LRP1B: variants seen among roughly 807,000 people sequenced by gnomAD.
LRP1B encodes the protein low-density lipoprotein receptor-related protein 1B.
A neutral mutation model predicts 556.6 loss-of-function variants in LRP1B; 217 were observed. The ratio of observed to expected loss-of-function variants is 0.39; its 90% CI spans 0.35 to 0.44. LRP1B has a LOEUF of 0.44. LRP1B is among the 20% of genes least tolerant of loss of function. The probability of loss-of-function intolerance (pLI) is 1.00; values close to 1 mark genes in which losing one functional copy is unlikely to be tolerated. For synonymous variants in LRP1B, 2,047 were observed against 1,865.8 expected, an observed-to-expected ratio of 1.10 and a Z score of -2.50; for missense variants, 5,053 against 5,620.8, an observed-to-expected ratio of 0.90 and a Z score of 3.23.
At chr2:141,376,098 G>GT (rs1178050480) in intron 3 of LRP1B, among the ~76,000 whole-genome samples, 1 of 152,150 alleles carries the variant, frequency 6.6e-6, no homozygotes, top group Non-Finnish European at 1.5e-5. Flanking sequence ...CCTTGGAGCA[G>GT]TGTAGCAGCA....
chr2:141,968,443 A>C (rs1344598807), intron 1 of LRP1B, among the ~76,000 whole-genome samples: 2 of 151,520 alleles, frequency 1.3e-5, no homozygotes, highest in African/African-American at 4.8e-5. Context: ...TTTTGCTTGC[A>C]ATCCCCAACC....
intron 43 of LRP1B, among the ~76,000 whole-genome samples, chr2:140,557,588 G>A (rs1023380000): frequency 2.6e-5 from 4 of 151,958 alleles, no homozygotes; most frequent in Admixed American, 6.6e-5. Context: ...ATTATCTACT[G>A]TGCTCCCCTA....
chr2:140,289,514 C>T (rs1394276318), intron 84 of LRP1B, among the ~76,000 whole-genome samples: 4 of 151,770 alleles, frequency 2.6e-5, no homozygotes, highest in Non-Finnish European at 2.9e-5. Flanking sequence ...GAATTAATAT[C>T]TGCTTGGAAA....
At chr2:140,420,482 G>T (rs971809140) in intron 66 of LRP1B, among the ~76,000 whole-genome samples, 1 of 152,122 alleles carries the variant, frequency 6.6e-6, no homozygotes, top group Admixed American at 6.6e-5. Flanking sequence ...TTCTTTAAGG[G>T]TTAAAAATAT....
intron 37 of LRP1B, among the ~76,000 whole-genome samples, chr2:140,704,936 T>G (rs1250901227): frequency 6.6e-6 from 1 of 152,168 alleles, no homozygotes; most frequent in African/African-American, 2.4e-5. Flanking sequence ...TTTATTGCTA[T>G]TAAAAGTAAT....
At chr2:141,877,809 C>T (rs1698819926) in intron 1 of LRP1B, among the ~76,000 whole-genome samples, 1 of 151,860 alleles carries the variant, frequency 6.6e-6, no homozygotes, top group Admixed American at 6.6e-5. Flanking sequence ...TAATTTGGAA[C>T]TGTCCATAAA....
At chr2:141,735,503 G>GTT (rs5834863) in intron 2 of LRP1B, among the ~76,000 whole-genome samples, 23,728 of 125,990 alleles carry the variant, frequency 0.19, 2,799 homozygotes, top group African/African-American at 0.34. Flanking sequence ...CAGCAAACAT[G>GTT]TTTTTTTTTT....
At chr2:140,275,941 T>G (rs1268774444) in intron 84 of LRP1B, among the ~76,000 whole-genome samples, 1 of 151,992 alleles carries the variant, frequency 6.6e-6, no homozygotes, top group Admixed American at 6.6e-5. Context: ...GCTTCTGTCT[T>G]TTGAAAAGCA....
At chr2:140,354,024 T>C (rs1441709126) in intron 75 of LRP1B, among the ~76,000 whole-genome samples, 1 of 152,062 alleles carries the variant, frequency 6.6e-6, no homozygotes, top group African/African-American at 2.4e-5. Context: ...GTCATGTAGC[T>C]TGGCACATGA....
chr2:141,313,878 T>TC (rs1686902090), intron 3 of LRP1B, among the ~76,000 whole-genome samples: 1 of 151,886 alleles, frequency 6.6e-6, no homozygotes, highest in Admixed American at 6.6e-5. Flanking sequence ...TTTTTTTTTT[T>TC]CAAACACATC....
At chr2:140,792,549 C>A (rs1163546232) in intron 32 of LRP1B, among the ~76,000 whole-genome samples, 2 of 152,088 alleles carry the variant, frequency 1.3e-5, no homozygotes, top group African/African-American at 4.8e-5. Context: ...CTAAATATGT[C>A]TTTATTATTG....
chr2:141,672,935 C>T (rs1690728491), intron 2 of LRP1B, among the ~76,000 whole-genome samples: 2 of 152,102 alleles, frequency 1.3e-5, no homozygotes, highest in African/African-American at 2.4e-5. Flanking sequence ...TCCTACTGTG[C>T]CACTCTACCA....
intron 1 of LRP1B, among the ~76,000 whole-genome samples, chr2:141,885,115 T>A (rs376359571): frequency 1.3e-5 from 2 of 152,234 alleles, no homozygotes; most frequent in African/African-American, 4.8e-5. Context: ...GATGTGCTTA[T>A]GAAATATAAT....
intron 3 of LRP1B, among the ~76,000 whole-genome samples, chr2:141,266,424 T>C (rs577709547): frequency 6.6e-6 from 1 of 152,132 alleles, no homozygotes; most frequent in Non-Finnish European, 1.5e-5. Flanking sequence ...TTTATGATTT[T>C]CATGCTGTTT....
chr2:140,695,379 C>G (rs1686394473), intron 41 of LRP1B, among the ~76,000 whole-genome samples: 1 of 152,036 alleles, frequency 6.6e-6, no homozygotes. Flanking sequence ...GGGTTAGTCA[C>G]TTCCTACAAG....
Position 140,356,598 on chromosome 2 carries a change from A to T in LRP1B, c.11396-122T>A, listed in dbSNP as rs1360138048. On this transcript the variant is annotated intron_variant, in intron 74 of 90. Transcript: ENST00000389484. Reference sequence around the variant, plus strand: ...ACAGATAACTCTTTTTGAATGTACAAGGTTACGGTCTTCTCTCCATATAAG... The same window carrying T: ...ACAGATAACTCTTTTTGAATGTACATGGTTACGGTCTTCTCTCCATATAAG... 11 of 650,640 alleles carry T rather than the reference A, an allele frequency of 1.7e-5. No homozygotes were observed. In the Admixed American group the frequency reaches 2.7e-4, roughly 16 times the overall value. 40.3% of individuals were successfully genotyped at this position (650,640 alleles called of 1,614,324 possible). A position where few individuals can be genotyped will look rare whatever the true frequency, so the allele number is the denominator to read the frequency against.
rs1165405840 is a variant in LRP1B at position 140,486,833 on chromosome 2, T to A, written c.9243+784A>T. Reference sequence around the variant, plus strand: ...ATACAGCTACTTTAAATCACTTGAATCCAGCTTACTATTTGTTTCATCATT... The same window carrying A: ...ATACAGCTACTTTAAATCACTTGAAACCAGCTTACTATTTGTTTCATCATT... On this transcript the variant is annotated intron_variant, in intron 58 of 90. Coordinates refer to ENST00000389484, the MANE Select transcript of LRP1B (RefSeq NM_018557.3). 4.6e-5 allele frequency among the ~76,000 whole-genome samples: 7 copies of A among 151,994 alleles called. No homozygotes were observed. The East Asian group carries it at 1.4e-3, about 29-fold the overall frequency.
intron 6 of LRP1B, among the ~76,000 whole-genome samples, chr2:141,194,082 T>C (rs1393886752): frequency 1.3e-5 from 2 of 152,118 alleles, no homozygotes; most frequent in Admixed American, 6.6e-5. Context: ...ACTAGTTTTA[T>C]CTGTAATTTT....
At chr2:141,027,537 C>G (rs1698248775) in intron 11 of LRP1B, among the ~76,000 whole-genome samples, 1 of 152,000 alleles carries the variant, frequency 6.6e-6, no homozygotes, top group Non-Finnish European at 1.5e-5. Context: ...CTGTTATAAG[C>G]TACATGAGAA....
Sources: allele counts gnomAD v4.1 joint callset (sites outside exome capture counted in the v4.1 genomes callset), GRCh38; gene constraint gnomAD v4.1.1; transcripts MANE v1.5; gene names NCBI Gene and HGNC (gene_info 2026-07-23, HGNC 2026-07-21).